RBFOX1: variants seen among roughly 807,000 people sequenced by gnomAD.
The protein encoded by RBFOX1 is RNA binding protein fox-1 homolog 1.
A neutral mutation model predicts 57.7 loss-of-function variants in RBFOX1; 8 were observed. The observed-to-expected ratio is 0.14, with a 90% CI of 0.08 to 0.25. The LOEUF (loss-of-function observed/expected upper bound fraction) is 0.25, where lower values mean the gene tolerates loss of function less well. Ranked by LOEUF, RBFOX1 falls within the 10% of genes least tolerant of loss-of-function variation. The pLI, the probability that RBFOX1 is intolerant of heterozygous loss-of-function variation, is 1.00. For missense variants in RBFOX1, 611 were observed against 548.5 expected (o/e 1.11, Z -1.14); for synonymous variants, 326 against 222.4 (o/e 1.47, Z -4.15).
intron 3 of RBFOX1, among the ~76,000 whole-genome samples, chr16:6,928,624 C>T (rs1481252954): frequency 2.0e-5 from 3 of 152,136 alleles, no homozygotes; most frequent in African/African-American, 7.2e-5. Flanking sequence ...CTCCCAAGGT[C>T]TCTAGCAGCC....
intron 1 of RBFOX1, among the ~76,000 whole-genome samples, chr16:5,305,006 G>T (rs1596465487): frequency 6.6e-6 from 1 of 152,060 alleles, no homozygotes; most frequent in Non-Finnish European, 1.5e-5. Context: ...TATTGCCTTG[G>T]GGGAGTCTTG....
chr16:7,226,136 A>G (rs910311780), intron 4 of RBFOX1, among the ~76,000 whole-genome samples: 1 of 152,082 alleles, frequency 6.6e-6, no homozygotes, highest in African/African-American at 2.4e-5. Context: ...CAGGAGAAAA[A>G]GAGCACCTCC....
chr16:6,151,286 TG>T (rs2096795797), intron 1 of RBFOX1, among the ~76,000 whole-genome samples: 1 of 152,092 alleles, frequency 6.6e-6, no homozygotes, highest in African/African-American at 2.4e-5. Context: ...CATAATTAGT[TG>T]TTTTTTTTCT....
intron 3 of RBFOX1, among the ~76,000 whole-genome samples, chr16:6,720,247 A>G (rs2065708377): frequency 6.7e-6 from 1 of 149,938 alleles, no homozygotes; most frequent in African/African-American, 2.4e-5. Flanking sequence ...AATGTTCAAG[A>G]AAAAAAAAAG....
rs150195752 is a variant in RBFOX1 at position 6,062,935 on chromosome 16, C to G, written c.-127+42943C>G. Among the ~76,000 whole-genome samples the G allele has an allele frequency of 8.8e-3, 1,339 of 152,224 alleles. 12 individuals are homozygous for G. Among genetic ancestry groups the G allele is most frequent in the Middle Eastern group, 0.034 (10 of 294 alleles). On this transcript the variant is annotated intron_variant, in intron 1 of 15. Transcript: ENST00000550418. ...TCAGGCAGAATTTCTGTGTTACAGT[C>G]TTAAGGCACAATTCCTTCTCCAGAA...
chr16:7,259,013 C>A (rs2094811101), intron 4 of RBFOX1, among the ~76,000 whole-genome samples: 1 of 152,138 alleles, frequency 6.6e-6, no homozygotes, highest in Admixed American at 6.6e-5. Flanking sequence ...ACCTCTTGCC[C>A]CTCTTCAAAC....
At chr16:5,357,086 C>G (rs2065410366) in intron 1 of RBFOX1, among the ~76,000 whole-genome samples, 1 of 152,194 alleles carries the variant, frequency 6.6e-6, no homozygotes, top group Admixed American at 6.5e-5. Flanking sequence ...AGGAGTGGTG[C>G]TGCTCTTAAC....
chr16:5,910,029 G>T (rs1334441566), intron 4 of RBFOX1, among the ~76,000 whole-genome samples: 1 of 151,778 alleles, frequency 6.6e-6, no homozygotes, highest in African/African-American at 2.4e-5. Context: ...CTCCAGCCTT[G>T]GTGACAGAGC....
chr16:5,418,707 C>G (rs144318049), intron 1 of RBFOX1, among the ~76,000 whole-genome samples: 153 of 152,290 alleles, frequency 1.0e-3, no homozygotes, highest in African/African-American at 3.6e-3. Flanking sequence ...ATTCGACTCC[C>G]TCTCCCAATG....
rs571267950 is a variant in RBFOX1, at chr16:6,873,402, TAAA to T, written c.-15-178654_-15-178652del. Among the ~76,000 whole-genome samples, 841 of 152,284 alleles carry T rather than the reference TAAA, an allele frequency of 5.5e-3. 11 individuals are homozygous for T. Among genetic ancestry groups the T allele is most frequent in the African/African-American group, 0.019 (795 of 41,548 alleles). On this transcript the variant is annotated intron_variant, in intron 3 of 15. Transcript: ENST00000550418. ...TTGAGTTATGTAAGCAGAATGCAAT[TAAA>T]GAAGAAGTGCTCACTATGACTACCT... is the stretch of plus-strand genomic sequence containing the variant.
At chr16:5,477,902 C>T (rs181835812) in intron 2 of RBFOX1, among the ~76,000 whole-genome samples, 9 of 152,318 alleles carry the variant, frequency 5.9e-5, no homozygotes, top group Admixed American at 1.3e-4. Flanking sequence ...ACAGAAAGGG[C>T]GTGATGTGAA....
At chr16:7,486,515 T>C (rs993015043) in intron 4 of RBFOX1, among the ~76,000 whole-genome samples, 1 of 152,164 alleles carries the variant, frequency 6.6e-6, no homozygotes, top group African/African-American at 2.4e-5. Context: ...CTCTCGGTTT[T>C]ATGTCTACAT....
chr16:5,786,446 G>C (rs543445966), intron 3 of RBFOX1, among the ~76,000 whole-genome samples: 22 of 114,568 alleles, frequency 1.9e-4, no homozygotes, highest in African/African-American at 6.7e-4. Context: ...TGTTTATGCA[G>C]AGTTGAAATA....
chr16:5,331,260 T>C (rs928629692), intron 1 of RBFOX1, among the ~76,000 whole-genome samples: 1 of 152,248 alleles, frequency 6.6e-6, no homozygotes, highest in African/African-American at 2.4e-5. Context: ...CATCACCAGA[T>C]GGTTGTCATG....
At chr16:5,738,421 C>G (rs11642230) in intron 3 of RBFOX1, among the ~76,000 whole-genome samples, 40,653 of 151,298 alleles carry the variant, frequency 0.27, 5,966 homozygotes, top group East Asian at 0.56. Context: ...CACTTGAGGT[C>G]AGGAGATGAA....
intron 3 of RBFOX1, among the ~76,000 whole-genome samples, chr16:5,675,382 A>G (rs1338191818): frequency 2.0e-5 from 3 of 152,172 alleles, no homozygotes; most frequent in Non-Finnish European, 4.4e-5. Context: ...GGCTAAGCAC[A>G]TTGGTGCTTG....
At chr16:6,718,623 C>A (rs184489217) in intron 3 of RBFOX1, among the ~76,000 whole-genome samples, 13 of 152,208 alleles carry the variant, frequency 8.5e-5, no homozygotes, top group Middle Eastern at 3.4e-3. Context: ...GAGGAGGAGC[C>A]TGGTGGGAGG....
intron 3 of RBFOX1, among the ~76,000 whole-genome samples, chr16:6,723,244 C>G (rs2066405160): frequency 6.6e-6 from 1 of 152,168 alleles, no homozygotes; most frequent in East Asian, 1.9e-4. Context: ...TACTGTGAGA[C>G]TTTGGGCAAG....
intron 4 of RBFOX1, among the ~76,000 whole-genome samples, chr16:5,906,447 G>A (rs1384021919): frequency 6.6e-6 from 1 of 152,170 alleles, no homozygotes; most frequent in Admixed American, 6.5e-5. Context: ...AACAGATCCT[G>A]CTTCACAGTC....
Sources: gnomAD v4.1 joint callset for allele counts (sites outside exome capture counted in the v4.1 genomes callset) on GRCh38, gnomAD v4.1.1 for gene constraint, MANE v1.5 for transcripts, NCBI Gene and HGNC (gene_info 2026-07-23, HGNC 2026-07-21) for gene names.